The following CCDC91 variants were observed in gnomAD, a reference collection of about 807,000 sequenced individuals.
CCDC91 encodes the protein coiled-coil domain containing 91.
In CCDC91, 48 loss-of-function variants were observed where a neutral mutation model predicts 63.2. That is an observed-to-expected ratio of 0.76 (90% CI 0.60 to 0.97). The LOEUF (loss-of-function observed/expected upper bound fraction) is 0.97, where lower values mean the gene tolerates loss of function less well. CCDC91 is among the 50% of genes least tolerant of loss of function. The pLI is 0.00. For missense variants in CCDC91, 500 were observed against 494.6 expected, an observed-to-expected ratio of 1.01 and a Z score of -0.10; for synonymous variants, 167 against 165.8, an observed-to-expected ratio of 1.01 and a Z score of -0.06.
intron 3 of CCDC91, among the ~76,000 whole-genome samples, chr12:28,289,534 C>T (rs1949093396): frequency 6.6e-6 from 1 of 151,998 alleles, no homozygotes; most frequent in African/African-American, 2.4e-5. Flanking sequence ...ATTGCACTCA[C>T]ATCTGAGAAT....
At chr12:28,192,993 C>T (rs549753334) in intron 1 of CCDC91, among the ~76,000 whole-genome samples, 5 of 152,310 alleles carry the variant, frequency 3.3e-5, no homozygotes, top group Non-Finnish European at 7.4e-5. Flanking sequence ...TAAATGGAAT[C>T]ATACAGTATG....
chr12:28,284,833 T>C (rs1948816854), intron 3 of CCDC91, among the ~76,000 whole-genome samples: 1 of 152,170 alleles, frequency 6.6e-6, no homozygotes, highest in African/African-American at 2.4e-5. Flanking sequence ...ATATATTCTT[T>C]CTTTTTTTGC....
chr12:28,351,962 A>G (rs747603001), intron 6 of CCDC91, among the ~76,000 whole-genome samples: 2 of 152,182 alleles, frequency 1.3e-5, no homozygotes, highest in African/African-American at 2.4e-5. Context: ...AACCCTATAC[A>G]GGCATGCCTT....
intron 1 of CCDC91, among the ~76,000 whole-genome samples, chr12:28,233,592 A>T (rs1444249374): frequency 2.0e-5 from 3 of 152,170 alleles, no homozygotes; most frequent in Non-Finnish European, 4.4e-5. Flanking sequence ...AATATTGAAT[A>T]TTGGAATAGC....
chr12:28,239,122 A>G (rs1465079436), intron 1 of CCDC91, among the ~76,000 whole-genome samples: 1 of 133,956 alleles, frequency 7.5e-6, no homozygotes, highest in Non-Finnish European at 1.6e-5. Context: ...TCTGTCTCGG[A>G]AAAAAAAAAA....
intron 7 of CCDC91, among the ~76,000 whole-genome samples, chr12:28,367,004 T>C (rs1459889278): frequency 2.6e-5 from 4 of 152,110 alleles, no homozygotes; most frequent in Non-Finnish European, 4.4e-5. Context: ...AGTGGTGTCC[T>C]GTCAGAAGAA....
At chr12:28,495,357 C>CT (rs1167785559) in intron 12 of CCDC91, among the ~76,000 whole-genome samples, 2 of 151,638 alleles carry the variant, frequency 1.3e-5, no homozygotes, top group Non-Finnish European at 3.0e-5. Flanking sequence ...TTAAGTTGGA[C>CT]TTTTTTGGAT....
intron 8 of CCDC91, among the ~76,000 whole-genome samples, chr12:28,400,586 C>T (rs1022174727): frequency 6.6e-6 from 1 of 152,026 alleles, no homozygotes; most frequent in African/African-American, 2.4e-5. Flanking sequence ...GCAAATTTTC[C>T]CAACTTTTAT....
chr12:28,480,771 C>T (rs1471649664), intron 11 of CCDC91, among the ~76,000 whole-genome samples: 1 of 151,950 alleles, frequency 6.6e-6, no homozygotes, highest in Non-Finnish European at 1.5e-5. Flanking sequence ...GTTTACAACC[C>T]ACAGACCAGA....
chr12:28,222,250 A>G (rs1034411926), intron 1 of CCDC91, among the ~76,000 whole-genome samples: 8 of 152,124 alleles, frequency 5.3e-5, no homozygotes, highest in African/African-American at 1.9e-4. Context: ...AACCTTTATC[A>G]TAATTTTACT....
chr12:28,228,722 T>C (rs1454186206), intron 1 of CCDC91, among the ~76,000 whole-genome samples: 2 of 152,152 alleles, frequency 1.3e-5, no homozygotes, highest in African/African-American at 4.8e-5. Context: ...GTACCAAGTA[T>C]GTGTTAAGCA....
chr12:28,264,104 A>G (rs966858670), intron 3 of CCDC91, among the ~76,000 whole-genome samples: 5 of 151,748 alleles, frequency 3.3e-5, no homozygotes, highest in South Asian at 2.1e-4. Flanking sequence ...AACAACAGCT[A>G]TTTTGGTGAC....
rs77540165 is a variant in CCDC91, at chr12:28,345,286, G to T, written c.577-17152G>T. ...TATGTATACATACATATATATTCAT[G>T]TTTTAATATAAAATTTATCATACTT... On this transcript the variant is annotated intron_variant, in intron 6 of 12. Coordinates refer to ENST00000536442, the MANE Select transcript of CCDC91 (RefSeq NM_018318.5). Among the ~76,000 whole-genome samples, 534 of 152,036 alleles carry T rather than the reference G, an allele frequency of 3.5e-3. 7 individuals carry two copies. Among genetic ancestry groups the T allele is most frequent in the African/African-American group, 0.012 (500 of 41,522 alleles).
intron 6 of CCDC91, among the ~76,000 whole-genome samples, chr12:28,347,863 A>G (rs973590826): frequency 5.3e-5 from 8 of 151,858 alleles, no homozygotes; most frequent in African/African-American, 1.9e-4. Context: ...AGTGTGCATC[A>G]CCCCCTCTCC....
chr12:28,239,040 A>G (rs1438138079), intron 1 of CCDC91, among the ~76,000 whole-genome samples: 1 of 151,818 alleles, frequency 6.6e-6, no homozygotes, highest in African/African-American at 2.4e-5. Context: ...GAATTGCTTG[A>G]ACCCAGGAGG....
At chr12:28,246,048 G>T (rs1945709053) in intron 1 of CCDC91, among the ~76,000 whole-genome samples, 1 of 151,936 alleles carries the variant, frequency 6.6e-6, no homozygotes, top group South Asian at 2.1e-4. Context: ...ATAAACTTTG[G>T]CATATAATTA....
intron 3 of CCDC91, among the ~76,000 whole-genome samples, chr12:28,280,078 G>C (rs370048198): frequency 6.6e-6 from 1 of 152,002 alleles, no homozygotes; most frequent in East Asian, 1.9e-4. Flanking sequence ...TGTCTCAAAG[G>C]CACTCTGATA....
intron 8 of CCDC91, among the ~76,000 whole-genome samples, chr12:28,424,556 G>T (rs947439820): frequency 5.3e-5 from 8 of 151,674 alleles, no homozygotes; most frequent in African/African-American, 1.9e-4. Context: ...TTAACTTTTG[G>T]AATTACCTTT....
Position 28,273,645 on chromosome 12 carries a change from G to T in CCDC91, c.109+14203G>T, listed in dbSNP as rs544853290. Among the ~76,000 whole-genome samples, 917 of 152,250 alleles carry T rather than the reference G, an allele frequency of 6.0e-3. 12 individuals are homozygous for T. The highest frequency in any genetic ancestry group is 0.02 in the African/African-American group (848 of 41,556). On this transcript the variant is annotated intron_variant, in intron 3 of 12. Coordinates refer to ENST00000536442, the MANE Select transcript of CCDC91 (RefSeq NM_018318.5). ...TGGCTGCATAAATGTCTTCTTTTGAGAAGTGTCTGTTCATATCCTTCGCCC... is the reference window on the plus strand; with the variant it reads ...TGGCTGCATAAATGTCTTCTTTTGATAAGTGTCTGTTCATATCCTTCGCCC...
Sources: allele counts gnomAD v4.1 joint callset (sites outside exome capture counted in the v4.1 genomes callset), GRCh38; gene constraint gnomAD v4.1.1; transcripts MANE v1.5; gene names NCBI Gene and HGNC (gene_info 2026-07-23, HGNC 2026-07-21).